The following SEPHS1 variants were observed in gnomAD, a reference collection of about 807,000 sequenced individuals.
The protein encoded by SEPHS1 is selenophosphate synthetase 1, also known as zincore component SEPHS1.
In SEPHS1, 7 loss-of-function variants were observed where a neutral mutation model predicts 39.2. The ratio of observed to expected loss-of-function variants is 0.18; its 90% CI spans 0.10 to 0.34. The LOEUF is 0.34. Ranked by LOEUF, SEPHS1 falls within the 10% of genes least tolerant of loss-of-function variation. SEPHS1 has a pLI of 1.00. For synonymous variants in SEPHS1, 190 were observed against 195.5 expected (o/e 0.97, Z 0.23); for missense variants, 253 against 514.5 (o/e 0.49, Z 4.92).
intron 7 of SEPHS1, 25 bp from the exon 8 acceptor site, chr10:13,323,072 G>A (rs759592416): frequency 6.3e-7 from 1 of 1,598,176 alleles, no homozygotes; most frequent in Non-Finnish European, 8.6e-7. Context: ...GGGCGGCTCT[G>A]AGAAAAAACA....
intron 5 of SEPHS1, 116 bp downstream of exon 5, chr10:13,333,701 A>G: frequency 9.2e-7 from 1 of 1,084,320 alleles, no homozygotes; most frequent in Non-Finnish European, 1.3e-6. Flanking sequence ...TCGGCCTACC[A>G]AAGTCTGGGA....
At chr10:13,334,584 C>T (rs1021205388) in intron 4 of SEPHS1, among the ~76,000 whole-genome samples, 1 of 151,832 alleles carries the variant, frequency 6.6e-6, no homozygotes, top group Non-Finnish European at 1.5e-5. Flanking sequence ...GTGGCATGTG[C>T]CTGTGGTCCC....
chr10:13,319,187 T>G lies in SEPHS1; in HGVS notation c.1134A>C (p.Gln378His). 1.2e-6 allele frequency: 2 copies of G among 1,613,808 alleles called. No homozygotes were observed. The highest frequency in any genetic ancestry group is 1.7e-6 in the Non-Finnish European group (2 of 1,179,818). ...DKPRIIEVAP[Q>H]VATQNVNPTP... ...TGGGATTCACATTTTGAGTGGCCAC[T>G]TGTGGTGCGACCTCGATGATCCGGG... Residue 378 changes from glutamine (Q) to histidine (H), a missense_variant, in exon 9 of 9, where the codon CAA becomes CAC. Around this residue, in one of 4 missense-constraint regions of SEPHS1, gnomAD observed 19 missense variants for 26.1 expected, o/e 0.73. Transcript: ENST00000327347.
intron 5 of SEPHS1, 94 bp downstream of exon 5, chr10:13,333,723 A>G (rs1833537905): frequency 1.5e-6 from 2 of 1,292,492 alleles, no homozygotes; most frequent in African/African-American, 1.5e-5. Context: ...CATATGTGTG[A>G]GCCACTGCAC....
chr10:13,330,199 T>C (rs1833423505), intron 5 of SEPHS1, among the ~76,000 whole-genome samples: 2 of 152,098 alleles, frequency 1.3e-5, no homozygotes, highest in Non-Finnish European at 2.9e-5. Flanking sequence ...CATACGAGTG[T>C]ATGTGTAATT....
At chr10:13,340,017 A>T (rs1833742295) in intron 2 of SEPHS1, among the ~76,000 whole-genome samples, 1 of 152,150 alleles carries the variant, frequency 6.6e-6, no homozygotes, top group Admixed American at 6.5e-5. Flanking sequence ...AAGGAAGCAA[A>T]TTATGTGCCT....
At chr10:13,333,502 A>C (rs1833530344) in intron 5 of SEPHS1, among the ~76,000 whole-genome samples, 1 of 149,736 alleles carries the variant, frequency 6.7e-6, no homozygotes, top group African/African-American at 2.5e-5. Flanking sequence ...GTGCAGGGGC[A>C]TGATCTCAGC....
chr10:13,338,528 G>C (rs1034739069), intron 3 of SEPHS1, among the ~76,000 whole-genome samples, 177 bp downstream of exon 3: 15 of 152,212 alleles, frequency 9.9e-5, no homozygotes, highest in Admixed American at 4.6e-4. Flanking sequence ...TGCCAAGTGT[G>C]GGCAGGGGAC....
At chr10:13,329,446 C>A (rs1361685617) in intron 6 of SEPHS1, among the ~76,000 whole-genome samples, 3 of 152,130 alleles carry the variant, frequency 2.0e-5, no homozygotes, top group Non-Finnish European at 2.9e-5. Flanking sequence ...CAAAGCTAAC[C>A]CCCTGCCGAG....
intron 7 of SEPHS1, 54 bp downstream of exon 7, chr10:13,328,297 G>A: frequency 8.0e-7 from 1 of 1,248,586 alleles, no homozygotes; most frequent in South Asian, 1.2e-5. Flanking sequence ...AAAAGCCTAA[G>A]ACATTTACTG....
chr10:13,345,740 G>C (rs1037198502), intron 1 of SEPHS1, among the ~76,000 whole-genome samples: 4 of 152,182 alleles, frequency 2.6e-5, no homozygotes, highest in African/African-American at 9.7e-5. Flanking sequence ...AGCTGGGCGT[G>C]GTGGTGCGCA....
At chr10:13,328,582 T>C in intron 6 of SEPHS1, 132 bp from the exon 7 acceptor site, 2 of 661,680 alleles carry the variant, frequency 3.0e-6, no homozygotes, top group South Asian at 3.8e-5. Context: ...AACTGAATTT[T>C]CCAACTCTGG....
At chr10:13,322,735 G>A (rs1022965450) in intron 8 of SEPHS1, 100 bp downstream of exon 8, 10 of 1,136,908 alleles carry the variant, frequency 8.8e-6, no homozygotes, top group South Asian at 2.8e-5. Context: ...CATGGAACTC[G>A]AACAGAGTGG....
Position 13,323,003 on chromosome 10 carries a change from T to C in SEPHS1, c.796A>G (p.Ile266Val), listed in dbSNP as rs1237033461. The C allele has an allele frequency of 1.2e-6, 2 of 1,614,096 alleles. No individual in the cohort carries two copies. Among genetic ancestry groups the C allele is most frequent in the South Asian group, 1.1e-5 (1 of 91,072 alleles). Residue 266 changes from isoleucine (I) to valine (V), a missense_variant, in exon 8 of 9, where the codon ATC (isoleucine) becomes GTC (valine). Physicochemically the swap from Ile to Val is conservative, Grantham distance 29 (BLOSUM62 3). This residue lies in a region of SEPHS1 where 107 missense variants were observed against 257.1 expected (regional missense o/e 0.42). Coordinates refer to ENST00000327347, the MANE Select transcript of SEPHS1 (RefSeq NM_012247.5). ...TGGCCCAAAATCCCGAAGCCCGTGATGTCAGTGGCGGCGTGGGCATTGAAC... is the reference window on the plus strand; with the variant it reads ...TGGCCCAAAATCCCGAAGCCCGTGACGTCAGTGGCGGCGTGGGCATTGAAC... ...HTFNAHAATDITGFGILGHAQ... is the reference protein window; with the variant it reads ...HTFNAHAATDVTGFGILGHAQ...
chr10:13,328,283 C>A (rs1259579035), intron 7 of SEPHS1, 68 bp downstream of exon 7: 1 of 1,104,128 alleles, frequency 9.1e-7, no homozygotes, highest in East Asian at 2.4e-5. Context: ...CAGTATGTGG[C>A]CAGAAAAGCC....
At chr10:13,328,978 C>T (rs1409841487) in intron 6 of SEPHS1, among the ~76,000 whole-genome samples, 1 of 152,184 alleles carries the variant, frequency 6.6e-6, no homozygotes, top group African/African-American at 2.4e-5. Context: ...TAAGATATAC[C>T]AGGTTGATGA....
In SEPHS1 at chr10:13,319,086, T is replaced by G; in HGVS notation, c.*56A>C. On this transcript the variant is annotated 3_prime_UTR_variant, in exon 9 of 9. Transcript: ENST00000327347. ...TGTTGTTTATAGTCTTTAATTGAAG[T>G]GATAAGGGAAATAGATCTATTTAAA... 6.5e-7 allele frequency: 1 copy of G among 1,536,650 alleles called. No individual in the cohort carries two copies. The highest frequency in any genetic ancestry group is 9.0e-7 in the Non-Finnish European group (1 of 1,117,110).
chr10:13,317,681 G>A lies in SEPHS1; in HGVS notation c.*1461C>T, dbSNP rs1832983385. 1 of 152,150 alleles carries A rather than the reference G, an allele frequency of 6.6e-6. No individual in the cohort carries two copies. Among genetic ancestry groups the A allele is most frequent in the South Asian group, 2.1e-4 (1 of 4,824 alleles). The allele number at this position is 152,150 out of a possible 1,614,324, so 9.4% of individuals were successfully genotyped here. Reference sequence around the variant, plus strand: ...CTTCCAGGAGCTTGAACTTCCCAGGGGTCATTTCCTTTGGCAAGAAGTCAG... The same window carrying A: ...CTTCCAGGAGCTTGAACTTCCCAGGAGTCATTTCCTTTGGCAAGAAGTCAG... On this transcript the variant is annotated 3_prime_UTR_variant, in exon 9 of 9. Transcript: ENST00000327347.
At chr10:13,341,207 G>A (rs1833773291) in intron 2 of SEPHS1, among the ~76,000 whole-genome samples, 1 of 152,128 alleles carries the variant, frequency 6.6e-6, no homozygotes, top group Non-Finnish European at 1.5e-5. Flanking sequence ...AGCCTGAGAT[G>A]CCCACAGGCC....
Sources: allele counts gnomAD v4.1 joint callset (sites outside exome capture counted in the v4.1 genomes callset), GRCh38; gene constraint gnomAD v4.1.1; regional missense constraint gnomAD v4.1.1; transcripts MANE v1.5; gene names NCBI Gene and HGNC (gene_info 2026-07-23, HGNC 2026-07-21).